The following S100Z variants were observed in gnomAD, a reference collection of about 807,000 sequenced individuals.
S100Z encodes the protein protein S100-Z.
Under a neutral mutation model 8.5 loss-of-function variants are expected in S100Z, and 11 were observed. That is an observed-to-expected ratio of 1.30 (90% CI 0.82 to 2.15). The LOEUF (loss-of-function observed/expected upper bound fraction) is 2.15. Ranked by LOEUF, S100Z falls within the 30% of genes most tolerant of loss-of-function variation. The probability of loss-of-function intolerance (pLI) is 0.00; values close to 1 mark genes in which losing one functional copy is unlikely to be tolerated. For synonymous variants in S100Z, 34 were observed against 43.8 expected, an observed-to-expected ratio of 0.78 and a Z score of 0.89; for missense variants, 126 against 117.9, an observed-to-expected ratio of 1.07 and a Z score of -0.32.
At position 76,863,509 on chromosome 5, in the gene S100Z, C is replaced by T. The variant is rs181031134; in HGVS notation, c.-175-6657C>T. 7.9e-4 allele frequency among the ~76,000 whole-genome samples: 121 copies of T among 152,258 alleles called. 1 individual carries two copies. In the South Asian group the frequency reaches 0.011, roughly 13 times the overall value. On this transcript the variant is annotated intron_variant, in intron 1 of 4. Transcript: ENST00000317593. ...TAGTAATATTTTGAGCATGTGTCCT[C>T]AATTATATTATCTCTTATTTTGTTT... is the stretch of plus-strand genomic sequence containing the variant.
chr5:76,952,931 T>G, the S100Z span: 1 of 578,952 alleles, frequency 1.7e-6, no homozygotes, highest in Non-Finnish European at 3.1e-6. Flanking sequence ...CATCGCCACG[T>G]ACTCTGTCAA....
chr5:76,930,200 G>C, the S100Z span, among the ~76,000 whole-genome samples: 1 of 152,168 alleles, frequency 6.6e-6, no homozygotes, highest in Non-Finnish European at 1.5e-5. Flanking sequence ...AAATTCGTCT[G>C]TGCTACAGAA....
chr5:76,935,417 C>T, the S100Z span, among the ~76,000 whole-genome samples: 1 of 152,184 alleles, frequency 6.6e-6, no homozygotes, highest in Non-Finnish European at 1.5e-5. Flanking sequence ...ACCTAGAGGT[C>T]TTCACAGACA....
At chr5:76,873,311 A>AT (rs1355914184) in intron 2 of S100Z, among the ~76,000 whole-genome samples, 2,640 of 134,604 alleles carry the variant, frequency 0.02, 30 homozygotes, top group African/African-American at 0.042. Context: ...AAAACTAACA[A>AT]TTTTTTTTTT....
chr5:76,898,585 G>A (rs896627285), intron 4 of S100Z, among the ~76,000 whole-genome samples: 2 of 152,086 alleles, frequency 1.3e-5, no homozygotes, highest in Admixed American at 6.5e-5. Flanking sequence ...CCTTCATTTT[G>A]TTGACATGAT....
chr5:76,906,657 G>C (rs1405930122), intron 4 of S100Z, among the ~76,000 whole-genome samples: 2 of 149,746 alleles, frequency 1.3e-5, no homozygotes, highest in African/African-American at 4.9e-5. Flanking sequence ...TTTTGAGACA[G>C]AGTCAAGCTC....
At chr5:76,863,767 T>C (rs1470317658) in intron 1 of S100Z, among the ~76,000 whole-genome samples, 4 of 152,122 alleles carry the variant, frequency 2.6e-5, no homozygotes, top group African/African-American at 4.8e-5. Flanking sequence ...CTCGATCTCC[T>C]GACCTTGTGA....
At chr5:76,859,734 T>C (rs936171223) in intron 1 of S100Z, among the ~76,000 whole-genome samples, 1 of 133,420 alleles carries the variant, frequency 7.5e-6, no homozygotes, top group African/African-American at 2.8e-5. Flanking sequence ...TGGGCCAAGA[T>C]TGCGCCACTG....
the S100Z span, among the ~76,000 whole-genome samples, chr5:76,949,727 G>T: frequency 2.0e-5 from 3 of 152,202 alleles, no homozygotes; most frequent in East Asian, 5.8e-4. Context: ...AATACTGTAC[G>T]ATTACACTTA....
chr5:76,879,748 G>T (rs1034534900), intron 4 of S100Z, among the ~76,000 whole-genome samples: 3 of 152,198 alleles, frequency 2.0e-5, no homozygotes, highest in African/African-American at 7.2e-5. Context: ...TACAAAAGAG[G>T]CATGGCCAGG....
chr5:76,888,694 G>T (rs186539978), intron 4 of S100Z, among the ~76,000 whole-genome samples: 166 of 152,164 alleles, frequency 1.1e-3, no homozygotes, highest in Middle Eastern at 0.01. Context: ...GGGATTACAG[G>T]CGTGAGCCAC....
intron 4 of S100Z, among the ~76,000 whole-genome samples, chr5:76,893,516 C>G (rs1743935628): frequency 1.3e-5 from 2 of 151,802 alleles, no homozygotes; most frequent in South Asian, 4.2e-4. Context: ...GTACTCCACT[C>G]TGGGTGACAG....
chr5:76,918,246 AC>A (rs1434770724), intron 4 of S100Z, among the ~76,000 whole-genome samples: 1 of 152,122 alleles, frequency 6.6e-6, no homozygotes, highest in Non-Finnish European at 1.5e-5. Flanking sequence ...TGGCTCTGTC[AC>A]CCAGGCTTGA....
intron 4 of S100Z, among the ~76,000 whole-genome samples, chr5:76,907,457 C>T (rs1226436202): frequency 6.6e-6 from 1 of 152,112 alleles, no homozygotes; most frequent in Non-Finnish European, 1.5e-5. Context: ...GGGCCCGCCA[C>T]CATGCCCGGC....
intron 4 of S100Z, among the ~76,000 whole-genome samples, chr5:76,888,831 C>T (rs1743756394): frequency 6.6e-6 from 1 of 152,214 alleles, no homozygotes; most frequent in African/African-American, 2.4e-5. Flanking sequence ...TGGGTCCACC[C>T]AACATGGCCA....
intron 4 of S100Z, among the ~76,000 whole-genome samples, chr5:76,915,046 C>A (rs1364702862): frequency 1.3e-5 from 2 of 152,208 alleles, no homozygotes; most frequent in East Asian, 3.8e-4. Context: ...TGGCTCACGC[C>A]TGCAATCCCA....
chr5:76,921,599 T>C lies in S100Z; in HGVS notation c.*885T>C, dbSNP rs1745037376. The C allele has an allele frequency of 5.3e-5, 8 of 152,334 alleles. No homozygotes were observed. The South Asian group carries it at 1.7e-3, about 32-fold the overall frequency. 9.4% of individuals were successfully genotyped at this position (152,334 alleles called of 1,614,324 possible). ...TTCAAAAACCACGATGTCCTTTTAC[T>C]TGAAGATTTTAAAAGGAAATGATTA... is the stretch of plus-strand genomic sequence containing the variant. On this transcript the variant is annotated 3_prime_UTR_variant, in exon 5 of 5. Transcript: ENST00000317593.
At chr5:76,881,351 C>T (rs1347789634) in intron 4 of S100Z, among the ~76,000 whole-genome samples, 1 of 152,198 alleles carries the variant, frequency 6.6e-6, no homozygotes, top group Non-Finnish European at 1.5e-5. Context: ...CCTCTACCCA[C>T]CCAGTGAAAG....
chr5:76,909,305 C>G (rs924982519), intron 4 of S100Z, among the ~76,000 whole-genome samples: 2 of 152,088 alleles, frequency 1.3e-5, no homozygotes, highest in African/African-American at 2.4e-5. Flanking sequence ...ATCCATAAAC[C>G]CTGAAAAAGA....
Sources: gnomAD v4.1 joint callset for allele counts (sites outside exome capture counted in the v4.1 genomes callset) on GRCh38, gnomAD v4.1.1 for gene constraint, MANE v1.5 for transcripts, NCBI Gene and HGNC (gene_info 2026-07-23, HGNC 2026-07-21) for gene names.